Variants in RHOT1 observed in about 807,000 individuals in gnomAD.
RHOT1 encodes ras homolog family member T1.
In RHOT1, 27 loss-of-function variants were observed where a neutral mutation model predicts 95.3. The ratio of observed to expected loss-of-function variants is 0.28; its 90% CI spans 0.21 to 0.39. The LOEUF is 0.39. RHOT1 is among the 10% of genes least tolerant of loss of function. RHOT1 has a pLI of 1.00. For missense variants in RHOT1, 578 were observed against 786.7 expected, an observed-to-expected ratio of 0.73 and a Z score of 3.17; for synonymous variants, 227 against 263.5, an observed-to-expected ratio of 0.86 and a Z score of 1.34.
At chr17:32,178,203 TCC>T (rs35643539) in intron 6 of RHOT1, among the ~76,000 whole-genome samples, 15 of 91,042 alleles carry the variant, frequency 1.6e-4, no homozygotes, top group African/African-American at 4.4e-4. Flanking sequence ...ATAAATGCCC[TCC>T]CCCCCCCCAG....
chr17:32,176,717 C>T (rs1166449451), intron 6 of RHOT1, among the ~76,000 whole-genome samples: 4 of 151,926 alleles, frequency 2.6e-5, no homozygotes, highest in African/African-American at 9.7e-5. Flanking sequence ...GGACTGCAGG[C>T]ATGTACCACC....
chr17:32,184,829 C>T (rs928647636), intron 8 of RHOT1, among the ~76,000 whole-genome samples: 1 of 152,126 alleles, frequency 6.6e-6, no homozygotes, highest in Non-Finnish European at 1.5e-5. Context: ...AGTTTATCCC[C>T]ATATCTGTTG....
chr17:32,209,754 G>A (rs1447373631), intron 18 of RHOT1: 1 of 178,268 alleles, frequency 5.6e-6, no homozygotes, highest in Non-Finnish European at 1.2e-5. Flanking sequence ...TGTTTATATG[G>A]TTAATCCCAA....
chr17:32,194,033 A>G lies in RHOT1; in HGVS notation c.795A>G (p.Glu265=). ...TTTTTATCCAGAGAGGGAGACACGA[A>G]ACTACTTGGACTGTGCTTCGACGAT... ...HTLFIQRGRH[E]TTWTVLRRFG... The change falls in exon 11 of 20, where the codon GAA becomes GAG. Residue 265 remains glutamate, a synonymous_variant. Coordinates refer to ENST00000545287, the MANE Select transcript of RHOT1 (RefSeq NM_001033566.3). 1.2e-6 allele frequency: 2 copies of G among 1,614,126 alleles called. No homozygotes were observed. Among genetic ancestry groups the G allele is most frequent in the Non-Finnish European group, 1.7e-6 (2 of 1,179,994 alleles).
chr17:32,180,654 G>GAAAAAA (rs35775998), intron 6 of RHOT1, among the ~76,000 whole-genome samples: 1 of 26,664 alleles, frequency 3.8e-5, no homozygotes, highest in Non-Finnish European at 1.1e-4. Flanking sequence ...AAAAGTACAA[G>GAAAAAA]AAAAAAAAAA....
At chr17:32,175,580 C>T (rs991570453) in intron 4 of RHOT1, among the ~76,000 whole-genome samples, 3 of 152,148 alleles carry the variant, frequency 2.0e-5, no homozygotes, top group African/African-American at 7.2e-5. Flanking sequence ...CCTCAGCCTC[C>T]CAAGTAGCTG....
chr17:32,202,667 AAAT>A, intron 14 of RHOT1, 100 bp from the exon 15 acceptor site: 13 of 768,246 alleles, frequency 1.7e-5, no homozygotes, highest in Non-Finnish European at 2.4e-5. Context: ...TACTTCATAA[AAAT>A]AATAAGCAGC....
rs568004565 is a variant in RHOT1, at chr17:32,224,600, T to C, written c.1863-16T>C. 1.0e-5 allele frequency: 16 copies of C among 1,560,620 alleles called. No individual in the cohort carries two copies. The East Asian group carries it at 2.0e-4, about 20-fold the overall frequency. On this transcript the variant is annotated splice_polypyrimidine_tract_variant and intron_variant, in intron 19 of 19. Coordinates refer to ENST00000545287, the MANE Select transcript of RHOT1 (RefSeq NM_001033566.3). ...CTAATCATGTTTTAAATAATAATTA[T>C]ATTTTCTGACTGCAGGCACGTGACA...
intron 1 of RHOT1, among the ~76,000 whole-genome samples, chr17:32,166,878 AAT>A (rs1224080110): frequency 6.6e-6 from 1 of 152,172 alleles, no homozygotes; most frequent in Non-Finnish European, 1.5e-5. Flanking sequence ...AACTCCTGAT[AAT>A]GTTACTTTGA....
At chr17:32,204,010 T>C in intron 16 of RHOT1, 37 bp downstream of exon 16, 1 of 1,390,578 alleles carries the variant, frequency 7.2e-7, no homozygotes, top group Non-Finnish European at 1.0e-6. Flanking sequence ...TTACTAATTA[T>C]TGGGTACATT....
chr17:32,187,349 C>T (rs1252635448), intron 8 of RHOT1, among the ~76,000 whole-genome samples: 2 of 151,984 alleles, frequency 1.3e-5, no homozygotes, highest in African/African-American at 4.8e-5. Flanking sequence ...AACTCCTGGC[C>T]TCCTCCTGCC....
intron 18 of RHOT1, 80 bp from the exon 19 acceptor site, chr17:32,211,031 CTTTTT>C: frequency 1.7e-6 from 2 of 1,209,188 alleles, no homozygotes; most frequent in South Asian, 3.5e-5. Context: ...ATGCCTAAGT[CTTTTT>C]TTTTTAAGTT....
chr17:32,172,960 C>T (rs2034698370), intron 2 of RHOT1: 1 of 152,192 alleles, frequency 6.6e-6, no homozygotes, highest in Admixed American at 6.5e-5. Context: ...TAAATACCTC[C>T]TCATTTGCAG....
At chr17:32,145,704 C>T (rs2031213589) in intron 1 of RHOT1, among the ~76,000 whole-genome samples, 1 of 152,088 alleles carries the variant, frequency 6.6e-6, no homozygotes, top group Admixed American at 6.6e-5. Context: ...ATCTCAGATT[C>T]TGCTATGCAC....
chr17:32,151,317 T>C, intron 1 of RHOT1: 1 of 635,652 alleles, frequency 1.6e-6, no homozygotes, highest in Non-Finnish European at 3.0e-6. Flanking sequence ...GAGGCTAAGG[T>C]GGGAGGATCA....
intron 19 of RHOT1, chr17:32,222,943 G>A: frequency 1.1e-6 from 1 of 936,560 alleles, no homozygotes; most frequent in Middle Eastern, 5.4e-4. Flanking sequence ...AGTTTTTCCA[G>A]CTTGAAAAAC....
intron 1 of RHOT1, among the ~76,000 whole-genome samples, chr17:32,154,459 C>T (rs1310270988): frequency 5.3e-5 from 8 of 151,046 alleles, no homozygotes; most frequent in South Asian, 4.2e-4. Flanking sequence ...TGGTGGCAGG[C>T]GCCTGTAGTC....
chr17:32,177,929 A>G (rs1287359338), intron 6 of RHOT1, among the ~76,000 whole-genome samples: 14 of 149,728 alleles, frequency 9.4e-5, no homozygotes, highest in African/African-American at 3.2e-4. Context: ...GGTTCATGCA[A>G]TTCTCCTGCC....
chr17:32,215,261 G>A (rs1450800451), intron 19 of RHOT1, among the ~76,000 whole-genome samples: 2 of 151,916 alleles, frequency 1.3e-5, no homozygotes, highest in Non-Finnish European at 2.9e-5. Flanking sequence ...GACAAGTATT[G>A]GTCTCAAATC....
Sources: allele counts gnomAD v4.1 joint callset (sites outside exome capture counted in the v4.1 genomes callset), GRCh38; gene constraint gnomAD v4.1.1; transcripts MANE v1.5; gene names NCBI Gene and HGNC (gene_info 2026-07-23, HGNC 2026-07-21).